The following PIAS1 variants were observed in gnomAD, a reference collection of about 807,000 sequenced individuals.
PIAS1 encodes protein inhibitor of activated STAT 1.
In PIAS1, 6 loss-of-function variants were observed where a neutral mutation model predicts 71.3. The observed-to-expected ratio is 0.08, with a 90% CI of 0.05 to 0.17. The LOEUF is 0.17. PIAS1 is among the 10% of genes least tolerant of loss of function. The pLI is 1.00. For missense variants in PIAS1, 555 were observed against 793.6 expected (o/e 0.70, Z 3.61); for synonymous variants, 303 against 292.9 (o/e 1.03, Z -0.35).
At chr15:68,103,273 A>ATT (rs36010725) in intron 2 of PIAS1, among the ~76,000 whole-genome samples, 15 of 147,590 alleles carry the variant, frequency 1.0e-4, no homozygotes, top group South Asian at 2.1e-4. Flanking sequence ...ATAAAATGAT[A>ATT]TTTTTTTTTC....
intron 7 of PIAS1, among the ~76,000 whole-genome samples, chr15:68,155,172 G>A (rs776848547): frequency 5.9e-5 from 9 of 152,096 alleles, no homozygotes; most frequent in Admixed American, 2.6e-4. Context: ...GAGTGGGAAC[G>A]TGAGTCTGGA....
chr15:68,176,203 C>G (rs910198001), intron 10 of PIAS1, among the ~76,000 whole-genome samples: 1 of 151,880 alleles, frequency 6.6e-6, no homozygotes, highest in African/African-American at 2.4e-5. Context: ...ATTAATATAC[C>G]GTCTGCTCTC....
intron 1 of PIAS1, among the ~76,000 whole-genome samples, chr15:68,070,876 C>T (rs937247336): frequency 1.3e-5 from 2 of 152,152 alleles, no homozygotes; most frequent in Non-Finnish European, 2.9e-5. Context: ...CTACCTCAGC[C>T]TCTGAAAGCG....
intron 6 of PIAS1, among the ~76,000 whole-genome samples, chr15:68,151,147 A>G (rs2092841003): frequency 6.6e-6 from 1 of 152,002 alleles, no homozygotes; most frequent in Admixed American, 6.5e-5. Context: ...GTCTACCTAG[A>G]AAAGAATCTC....
At chr15:68,111,777 C>G (rs574720205) in intron 2 of PIAS1, among the ~76,000 whole-genome samples, 1 of 151,926 alleles carries the variant, frequency 6.6e-6, no homozygotes, top group East Asian at 1.9e-4. Flanking sequence ...TTATACTAAA[C>G]GGGAAAATGA....
chr15:68,168,842 T>C (rs1231232075), intron 8 of PIAS1, among the ~76,000 whole-genome samples: 1 of 152,356 alleles, frequency 6.6e-6, no homozygotes, highest in East Asian at 1.9e-4. Flanking sequence ...TTAAAAACTC[T>C]GTAGGTCACC....
rs186749614 is a variant in PIAS1 at position 68,106,168 on chromosome 15, C to T, written c.469+19418C>T. The stretch of plus-strand genomic sequence containing the variant: ...ATTTGTGTATACATACATTTTCACA[C>T]ATGAATATGTGTGTGTAAGAGACAG... On this transcript the variant is annotated intron_variant, in intron 2 of 13. Coordinates refer to ENST00000249636, the MANE Select transcript of PIAS1 (RefSeq NM_016166.3). Among the ~76,000 whole-genome samples, 9 of 152,026 alleles carry T rather than the reference C, an allele frequency of 5.9e-5. No homozygotes were observed. In the East Asian group the frequency reaches 1.2e-3, roughly 20 times the overall value.
At chr15:68,066,720 G>T (rs2092031778) in intron 1 of PIAS1, among the ~76,000 whole-genome samples, 1 of 151,982 alleles carries the variant, frequency 6.6e-6, no homozygotes, top group African/African-American at 2.4e-5. Flanking sequence ...GACTGGAAAA[G>T]GAATATTTTT....
intron 4 of PIAS1, among the ~76,000 whole-genome samples, chr15:68,144,867 G>A (rs947716702): frequency 4.6e-5 from 7 of 152,050 alleles, no homozygotes; most frequent in Non-Finnish European, 1.0e-4. Flanking sequence ...TATTGTGCAC[G>A]ATCCCCGTAC....
chr15:68,118,011 C>T (rs2092579896), intron 2 of PIAS1, among the ~76,000 whole-genome samples: 1 of 152,160 alleles, frequency 6.6e-6, no homozygotes, highest in South Asian at 2.1e-4. Context: ...TCCTTACCAA[C>T]ACTTGTCTTC....
intron 1 of PIAS1, among the ~76,000 whole-genome samples, chr15:68,071,880 C>G (rs987285732): frequency 2.6e-5 from 4 of 151,470 alleles, no homozygotes; most frequent in African/African-American, 9.7e-5. Flanking sequence ...CCTGGGAGGT[C>G]AAGGCTGCAG....
intron 7 of PIAS1, among the ~76,000 whole-genome samples, chr15:68,154,844 A>T (rs1267483329): frequency 6.6e-6 from 1 of 152,180 alleles, no homozygotes; most frequent in Non-Finnish European, 1.5e-5. Context: ...GGATAAGAAG[A>T]TGGTAGGGAT....
intron 2 of PIAS1, among the ~76,000 whole-genome samples, chr15:68,104,799 A>G (rs1338557251): frequency 6.6e-6 from 1 of 152,192 alleles, no homozygotes; most frequent in African/African-American, 2.4e-5. Flanking sequence ...TACATATTCC[A>G]TAAATATGTA....
At chr15:68,100,801 C>T (rs2092416916) in intron 2 of PIAS1, among the ~76,000 whole-genome samples, 1 of 152,142 alleles carries the variant, frequency 6.6e-6, no homozygotes, top group South Asian at 2.1e-4. Context: ...AGTGTTTCTG[C>T]ATCCTTGTCA....
chr15:68,091,990 A>T (rs916586249), intron 2 of PIAS1, among the ~76,000 whole-genome samples: 3 of 152,048 alleles, frequency 2.0e-5, no homozygotes, highest in Admixed American at 6.5e-5. Context: ...AAGTATGGTG[A>T]CTCATCTTGT....
Position 68,157,473 on chromosome 15 carries a change from G to A in PIAS1, c.934+3778G>A, listed in dbSNP as rs1445691286. On this transcript the variant is annotated intron_variant, in intron 7 of 13. Transcript: ENST00000249636. The stretch of plus-strand genomic sequence containing the variant: ...TACCTCCTCACTGCATCTCATTATG[G>A]TCTTTAACCCTCTATCATTCCACTG... Among the ~76,000 whole-genome samples the A allele has an allele frequency of 2.0e-5, 3 of 152,082 alleles. No homozygotes were observed. In the East Asian group the frequency reaches 5.8e-4, roughly 29 times the overall value.
Position 68,134,622 on chromosome 15 carries a change from A to ACCC in PIAS1, c.470-7318_470-7316dup, listed in dbSNP as rs59318437. Among the ~76,000 whole-genome samples, 13 of 21,182 alleles carry ACCC rather than the reference A, an allele frequency of 6.1e-4. 3 individuals carry two copies. The highest frequency in any genetic ancestry group is 2.2e-3 in the Admixed American group (5 of 2,310). 13.9% of individuals were successfully genotyped at this position (21,182 alleles called of 152,430 possible). A position where few individuals can be genotyped will look rare whatever the true frequency, so the allele number is the denominator to read the frequency against. On this transcript the variant is annotated intron_variant, in intron 2 of 13. Coordinates refer to ENST00000249636, the MANE Select transcript of PIAS1 (RefSeq NM_016166.3). ...GGGCGGCTGGCCGGGCGGGGGGCTA[A>ACCC]CCCCCCCCACCTCCCTCCCGGACGG...
intron 2 of PIAS1, among the ~76,000 whole-genome samples, chr15:68,141,421 T>C (rs1433113202): frequency 6.6e-6 from 1 of 152,116 alleles, no homozygotes; most frequent in African/African-American, 2.4e-5. Context: ...TTTGAACTCA[T>C]CTAAGATTAG....
rs1595804244 is a variant in PIAS1 at position 68,189,633 on chromosome 15, T to A, written c.*1798T>A. The A allele has an allele frequency of 1.3e-5, 2 of 152,180 alleles. No homozygotes were observed. The highest frequency in any genetic ancestry group is 2.9e-5 in the Non-Finnish European group (2 of 68,016). The allele number at this position is 152,180 out of a possible 1,614,324, so 9.4% of individuals were successfully genotyped here. ...GGAAAAAAAAAAGTTGGTGTTGATA[T>A]GTATATGTGTGTGTGTATATATGTA... On this transcript the variant is annotated 3_prime_UTR_variant, in exon 14 of 14. Transcript: ENST00000249636.
Sources: gnomAD v4.1 joint callset for allele counts (sites outside exome capture counted in the v4.1 genomes callset) on GRCh38, gnomAD v4.1.1 for gene constraint, MANE v1.5 for transcripts, NCBI Gene and HGNC (gene_info 2026-07-23, HGNC 2026-07-21) for gene names.